Variants in ANP32E observed in about 807,000 individuals in gnomAD.
ANP32E encodes the protein acidic nuclear phosphoprotein 32 family member E, also known as acidic leucine-rich nuclear phosphoprotein 32 family member E.
ANP32E carries 14 observed loss-of-function variants against 35.3 expected under a neutral mutation model. That is an observed-to-expected ratio of 0.40 (90% confidence interval 0.26 to 0.62). ANP32E has a LOEUF of 0.62. Ranked by LOEUF, ANP32E falls within the 20% of genes least tolerant of loss-of-function variation. The probability of loss-of-function intolerance (pLI) is 0.45; values close to 1 mark genes in which losing one functional copy is unlikely to be tolerated. For missense variants in ANP32E, 198 were observed against 304.4 expected, an observed-to-expected ratio of 0.65 and a Z score of 2.60; for synonymous variants, 89 against 110.4, an observed-to-expected ratio of 0.81 and a Z score of 1.22.
At chr1:150,223,139 G>A (rs781932062) in intron 6 of ANP32E, 47 bp downstream of exon 6, 1 of 1,466,678 alleles carries the variant, frequency 6.8e-7, no homozygotes, top group South Asian at 1.3e-5. Flanking sequence ...TATAAAAAAT[G>A]ACTATGTCTT....
rs587734641 is a variant in ANP32E at position 150,222,189 on chromosome 1, G to A, written c.736+997C>T. ...TAATCCCAGCACTTTGGGAGGCTGA[G>A]GCAGGCGGATCACGAGGTCAGGAGA... On this transcript the variant is annotated intron_variant, in intron 6 of 6. Transcript: ENST00000583931. Among the ~76,000 whole-genome samples, 27 of 152,182 alleles carry A rather than the reference G, an allele frequency of 1.8e-4. No homozygotes were observed. In the East Asian group the frequency reaches 5.2e-3, roughly 29 times the overall value.
At chr1:150,226,481 G>A (rs1648884671) in intron 5 of ANP32E, 127 bp downstream of exon 5, 1 of 1,072,668 alleles carries the variant, frequency 9.3e-7, no homozygotes, top group South Asian at 1.7e-5. Flanking sequence ...AAAAAGACAG[G>A]TGGATAGACA....
chr1:150,223,176 TG>T lies in ANP32E; in HGVS notation c.736+9del. 6.6e-7 allele frequency: 1 copy of T among 1,504,788 alleles called. No individual in the cohort carries two copies. Among genetic ancestry groups the T allele is most frequent in the Non-Finnish European group, 9.0e-7 (1 of 1,105,014 alleles). 93.2% of individuals were successfully genotyped at this position (1,504,788 alleles called of 1,614,324 possible). On this transcript the variant is annotated intron_variant, in intron 6 of 6. Coordinates refer to ENST00000583931, the MANE Select transcript of ANP32E (RefSeq NM_030920.5). ...AATTTTATAATTTGTTTATGGCTAA[TG>T]TAACTCACCCTCTTCTTCCTCTTCT...
At chr1:150,222,533 A>T (rs961774021) in intron 6 of ANP32E, among the ~76,000 whole-genome samples, 2 of 151,626 alleles carry the variant, frequency 1.3e-5, no homozygotes, top group African/African-American at 4.8e-5. Context: ...GGGTGGGCAG[A>T]TCGTTTGAAC....
intron 5 of ANP32E, among the ~76,000 whole-genome samples, chr1:150,223,553 C>T (rs1162965477): frequency 6.6e-6 from 1 of 151,496 alleles, no homozygotes; most frequent in African/African-American, 2.4e-5. Flanking sequence ...TGGTGGCAGG[C>T]GCCTGTAATC....
intron 1 of ANP32E, among the ~76,000 whole-genome samples, chr1:150,232,903 G>T (rs1335722758): frequency 6.6e-6 from 1 of 152,130 alleles, no homozygotes; most frequent in African/African-American, 2.4e-5. Context: ...CTCAACATCA[G>T]ATAATATATT....
At chr1:150,223,349 TG>T (rs1553838699) in intron 5 of ANP32E, 109 bp from the exon 6 acceptor site, 1 of 1,382,460 alleles carries the variant, frequency 7.2e-7, no homozygotes, top group Non-Finnish European at 9.9e-7. Flanking sequence ...TTCTGTGTTT[TG>T]ACAACCTCTG....
In ANP32E at chr1:150,223,116, CAAAT is replaced by C. The variant is rs1422407259; in HGVS notation, c.736+66_736+69del. 78 of 1,425,366 alleles carry C rather than the reference CAAAT, an allele frequency of 5.5e-5. 1 individual carries two copies. The highest frequency in any genetic ancestry group is 4.4e-4 in the Admixed American group (20 of 45,084). The allele number at this position is 1,425,366 out of a possible 1,614,324, so 88.3% of individuals were successfully genotyped here. On this transcript the variant is annotated intron_variant, in intron 6 of 6. Coordinates refer to ENST00000583931, the MANE Select transcript of ANP32E (RefSeq NM_030920.5). ...CTCATTCTTTAAAGTGTATGAAATA[CAAAT>C]AAATAAAGTATAAAAAATGACTATG...
At chr1:150,230,338 A>G (rs116345847) in intron 3 of ANP32E, among the ~76,000 whole-genome samples, 3,253 of 152,314 alleles carry the variant, frequency 0.021, 131 homozygotes, top group African/African-American at 0.072. Context: ...AATACTGGAA[A>G]TGTTAAAACC....
chr1:150,232,338 C>G, intron 1 of ANP32E, among the ~76,000 whole-genome samples: 1 of 16,118 alleles, frequency 6.2e-5, no homozygotes, highest in Non-Finnish European at 1.0e-4. Context: ...AGGGAGACTC[C>G]GTCTCAAAAA....
rs1182108228 is a variant in ANP32E at position 150,219,179 on chromosome 1, G to C, written c.*1512C>G. 1 of 152,084 alleles carries C rather than the reference G, an allele frequency of 6.6e-6. No individual in the cohort carries two copies. The highest frequency in any genetic ancestry group is 2.4e-5 in the African/African-American group (1 of 41,408). 9.4% of individuals were successfully genotyped at this position (152,084 alleles called of 1,614,324 possible). On this transcript the variant is annotated 3_prime_UTR_variant, in exon 7 of 7. Transcript: ENST00000583931. ...ATAGAAGCATAACTTCAATTAATTT[G>C]CTGACACTAACTTCTTAAAAACTTA...
intron 4 of ANP32E, among the ~76,000 whole-genome samples, chr1:150,228,079 A>ATT (rs1649021566): frequency 6.6e-6 from 1 of 150,744 alleles, no homozygotes; most frequent in Admixed American, 6.6e-5. Flanking sequence ...CCATATATAT[A>ATT]TTATATATAT....
At chr1:150,229,747 G>T in intron 3 of ANP32E, among the ~76,000 whole-genome samples, 1 of 152,210 alleles carries the variant, frequency 6.6e-6, no homozygotes, top group East Asian at 1.9e-4. Flanking sequence ...CAAGGTGCTA[G>T]GATTACAGGC....
chr1:150,232,595 G>C (rs1286561921), intron 1 of ANP32E, among the ~76,000 whole-genome samples: 1 of 149,638 alleles, frequency 6.7e-6, no homozygotes, highest in Non-Finnish European at 1.5e-5. Flanking sequence ...CTCAGCCTCT[G>C]GAGTAGCTGG....
chr1:150,221,383 G>A (rs1553837818), intron 6 of ANP32E, among the ~76,000 whole-genome samples: 1 of 149,586 alleles, frequency 6.7e-6, no homozygotes. Flanking sequence ...AGGCTGCAGT[G>A]AGCCGAGATT....
At chr1:150,226,372 T>C (rs1210264221) in intron 5 of ANP32E, among the ~76,000 whole-genome samples, 1 of 152,132 alleles carries the variant, frequency 6.6e-6, no homozygotes, top group Non-Finnish European at 1.5e-5. Flanking sequence ...CACCATACCA[T>C]GCCATTGAGG....
chr1:150,230,792 A>G (rs1649293240), intron 2 of ANP32E, 99 bp from the exon 3 acceptor site: 1 of 1,170,574 alleles, frequency 8.5e-7, no homozygotes, highest in Admixed American at 2.3e-5. Flanking sequence ...CCCAGGCTGG[A>G]GTGCAGTGGT....
chr1:150,226,582 AG>A (rs1553840060), intron 5 of ANP32E, 25 bp downstream of exon 5: 1 of 1,605,130 alleles, frequency 6.2e-7, no homozygotes, highest in African/African-American at 1.3e-5. Context: ...ATTAATTTTC[AG>A]TGCAGGTAAG....
In ANP32E at chr1:150,230,703, C is replaced by T; in HGVS notation, c.205-10G>A. The T allele has an allele frequency of 1.4e-6, 2 of 1,436,448 alleles. No individual in the cohort carries two copies. Among genetic ancestry groups the T allele is most frequent in the Admixed American group, 2.6e-5 (1 of 37,944 alleles). 89.0% of individuals were successfully genotyped at this position (1,436,448 alleles called of 1,614,324 possible). A position where few individuals can be genotyped will look rare whatever the true frequency, so the allele number is the denominator to read the frequency against. ...TATCACTAAGCTCCAACTATACATT[C>T]AACAAAGGAAAAAACAAAGAATGGT... is the stretch of plus-strand genomic sequence containing the variant. On this transcript the variant is annotated splice_polypyrimidine_tract_variant and intron_variant, in intron 2 of 6. Coordinates refer to ENST00000583931, the MANE Select transcript of ANP32E (RefSeq NM_030920.5).
Sources: gnomAD v4.1 joint callset for allele counts (sites outside exome capture counted in the v4.1 genomes callset) on GRCh38, gnomAD v4.1.1 for gene constraint, MANE v1.5 for transcripts, NCBI Gene and HGNC (gene_info 2026-07-23, HGNC 2026-07-21) for gene names.